Variants in FAM219A observed in about 807,000 individuals in gnomAD.
FAM219A encodes protein FAM219A.
A neutral mutation model predicts 23.4 loss-of-function variants in FAM219A; 7 were observed. The ratio of observed to expected loss-of-function variants is 0.30; its 90% CI spans 0.17 to 0.56. The LOEUF is 0.56. FAM219A is among the 20% of genes least tolerant of loss of function. FAM219A has a pLI of 0.92. For synonymous variants in FAM219A, 93 were observed against 99.0 expected (o/e 0.94, Z 0.36); for missense variants, 166 against 246.9 (o/e 0.67, Z 2.20).
chr9:34,413,334 C>T (rs1168404454), intron 1 of FAM219A, among the ~76,000 whole-genome samples: 1 of 152,052 alleles, frequency 6.6e-6, no homozygotes, highest in African/African-American at 2.4e-5. Flanking sequence ...GGTAGTTGGC[C>T]AGAGTGGAAG....
intron 1 of FAM219A, among the ~76,000 whole-genome samples, chr9:34,426,250 A>G (rs1822465900): frequency 1.3e-5 from 2 of 152,204 alleles, no homozygotes; most frequent in Admixed American, 1.3e-4. Flanking sequence ...AACATCCCGA[A>G]TGTTGAAACA....
rs150561919 is a variant in FAM219A, at chr9:34,428,602, T to C, written c.61-22638A>G. Among the ~76,000 whole-genome samples, 327 of 152,330 alleles carry C rather than the reference T, an allele frequency of 2.1e-3. 5 individuals carry two copies. The highest frequency in any genetic ancestry group is 0.014 in the East Asian group (71 of 5,192). The stretch of plus-strand genomic sequence containing the variant: ...TGAATGCTCAGGATTGTATTCAATT[T>C]AGTAAGGTTTGTGGACACATAATCA... On this transcript the variant is annotated intron_variant, in intron 1 of 5. Coordinates refer to ENST00000651358, the MANE Select transcript of FAM219A (RefSeq NM_001184940.2).
intron 1 of FAM219A, among the ~76,000 whole-genome samples, chr9:34,453,016 TGAG>T (rs1305369292): frequency 1.3e-5 from 2 of 152,274 alleles, no homozygotes; most frequent in East Asian, 1.9e-4. Flanking sequence ...GTTTGTTTGA[TGAG>T]GAGATGAGTA....
At chr9:34,434,727 CT>C (rs1438250411) in intron 1 of FAM219A, among the ~76,000 whole-genome samples, 2 of 152,180 alleles carry the variant, frequency 1.3e-5, no homozygotes, top group Admixed American at 1.3e-4. Flanking sequence ...CCTTGCTTTC[CT>C]TTTCTTATAT....
chr9:34,402,655 G>A, intron 3 of FAM219A, 50 bp downstream of exon 3: 2 of 1,597,936 alleles, frequency 1.3e-6, no homozygotes, highest in Non-Finnish European at 8.6e-7. Flanking sequence ...AGGACCAGCA[G>A]AAATAGGTCC....
At chr9:34,443,979 G>T (rs1168734331) in intron 1 of FAM219A, among the ~76,000 whole-genome samples, 1 of 152,058 alleles carries the variant, frequency 6.6e-6, no homozygotes, top group Non-Finnish European at 1.5e-5. Context: ...CCTCAACTTG[G>T]TCTCCCTCCC....
intron 1 of FAM219A, among the ~76,000 whole-genome samples, chr9:34,425,301 G>A (rs1010419854): frequency 6.6e-6 from 1 of 151,912 alleles, no homozygotes; most frequent in Admixed American, 6.6e-5. Flanking sequence ...CCAACATGGT[G>A]CAACCCCGTC....
At chr9:34,446,091 T>G (rs1276603909) in intron 1 of FAM219A, among the ~76,000 whole-genome samples, 3 of 150,848 alleles carry the variant, frequency 2.0e-5, no homozygotes, top group Admixed American at 1.3e-4. Context: ...AAGAATTGCT[T>G]GAACCTGGGA....
rs1489931030 is a variant in FAM219A at position 34,399,831 on chromosome 9, C to G, written c.*1133G>C. 1 of 152,266 alleles carries G rather than the reference C, an allele frequency of 6.6e-6. No homozygotes were observed. Among genetic ancestry groups the G allele is most frequent in the Non-Finnish European group, 1.5e-5 (1 of 68,102 alleles). The allele number at this position is 152,266 out of a possible 1,614,324, so 9.4% of individuals were successfully genotyped here. ...GACTCCCGGTCCAAGGCTGTCAGCC[C>G]ATTGCACTGCTGAGCCGCCTTCTGC... On this transcript the variant is annotated 3_prime_UTR_variant, in exon 6 of 6. Transcript: ENST00000651358.
intron 1 of FAM219A, among the ~76,000 whole-genome samples, chr9:34,447,481 C>T (rs1208749891): frequency 6.6e-6 from 1 of 152,168 alleles, no homozygotes; most frequent in Admixed American, 6.5e-5. Flanking sequence ...GCTAGGATGA[C>T]TGCGAATTTG....
rs1564003302 is a variant in FAM219A, at chr9:34,416,239, GAAAGAAAGAAAGAAA to G, written c.61-10290_61-10276del. 7.6e-5 allele frequency among the ~76,000 whole-genome samples: 9 copies of G among 118,808 alleles called. 1 individual carries two copies. Among genetic ancestry groups the G allele is most frequent in the African/African-American group, 2.9e-4 (9 of 31,422 alleles). 77.9% of individuals were successfully genotyped at this position (118,808 alleles called of 152,430 possible). A position where few individuals can be genotyped will look rare whatever the true frequency, so the allele number is the denominator to read the frequency against. On this transcript the variant is annotated intron_variant, in intron 1 of 5. Transcript: ENST00000651358. ...AGAAAGAAAGAAAGAAAGAAAGAAA[GAAAGAAAGAAAGAAA>G]GAAAGGGGGAGGGAGGGAGGGAAGG...
chr9:34,435,362 G>C (rs546017465), intron 1 of FAM219A, among the ~76,000 whole-genome samples: 2 of 152,170 alleles, frequency 1.3e-5, no homozygotes, highest in East Asian at 3.9e-4. Context: ...GAAAGCATGA[G>C]CTCTATCACC....
At chr9:34,415,276 A>G (rs1044384341) in intron 1 of FAM219A, among the ~76,000 whole-genome samples, 6 of 152,228 alleles carry the variant, frequency 3.9e-5, no homozygotes, top group African/African-American at 1.4e-4. Flanking sequence ...CACTCGGGCT[A>G]GAGTTTGGGA....
Position 34,430,816 on chromosome 9 carries a change from T to TG in FAM219A, c.61-24853dup, listed in dbSNP as rs566299149. ...GTGATCATGCCATTACACTCCAGTC[T>TG]GGGTGCCCGAGTGAGACCATGTCTC... On this transcript the variant is annotated intron_variant, in intron 1 of 5. Coordinates refer to ENST00000651358, the MANE Select transcript of FAM219A (RefSeq NM_001184940.2). Among the ~76,000 whole-genome samples, 6 of 149,522 alleles carry TG rather than the reference T, an allele frequency of 4.0e-5. No individual in the cohort carries two copies. The South Asian group carries it at 1.3e-3, about 31-fold the overall frequency.
intron 1 of FAM219A, among the ~76,000 whole-genome samples, chr9:34,408,544 G>A (rs557464295): frequency 2.6e-5 from 4 of 152,252 alleles, no homozygotes; most frequent in Admixed American, 6.5e-5. Context: ...GGTAGCATTC[G>A]TCACATGTCA....
intron 1 of FAM219A, among the ~76,000 whole-genome samples, chr9:34,442,091 A>G (rs568682775): frequency 4.6e-5 from 7 of 152,382 alleles, no homozygotes; most frequent in African/African-American, 1.4e-4. Context: ...GCTTCCTGGT[A>G]TGAAATACAT....
At chr9:34,427,228 G>C (rs915233731) in intron 1 of FAM219A, among the ~76,000 whole-genome samples, 1 of 151,950 alleles carries the variant, frequency 6.6e-6, no homozygotes, top group Middle Eastern at 3.2e-3. Flanking sequence ...CTGGAGTGCA[G>C]TGGCGCAATC....
At chr9:34,416,071 G>C (rs760086722) in intron 1 of FAM219A, among the ~76,000 whole-genome samples, 13 of 151,920 alleles carry the variant, frequency 8.6e-5, no homozygotes, top group Non-Finnish European at 1.6e-4. Context: ...CAGCTACTCG[G>C]AAGGCTGAGT....
chr9:34,451,647 A>G (rs369778200), intron 1 of FAM219A, among the ~76,000 whole-genome samples: 1 of 152,132 alleles, frequency 6.6e-6, no homozygotes, highest in African/African-American at 2.4e-5. Context: ...TCTGGGCTAT[A>G]TAGGCAGTCA....
Sources: allele counts gnomAD v4.1 joint callset (sites outside exome capture counted in the v4.1 genomes callset), GRCh38; gene constraint gnomAD v4.1.1; transcripts MANE v1.5; gene names NCBI Gene and HGNC (gene_info 2026-07-23, HGNC 2026-07-21).